KCNH7: variants seen among roughly 807,000 people sequenced by gnomAD.
The protein encoded by KCNH7 is voltage-gated inwardly rectifying potassium channel KCNH7.
KCNH7 carries 49 observed loss-of-function variants against 120.8 expected under a neutral mutation model. The ratio of observed to expected loss-of-function variants is 0.41; its 90% CI spans 0.32 to 0.51. The LOEUF (loss-of-function observed/expected upper bound fraction) is 0.51, where lower values mean the gene tolerates loss of function less well. Among genes scored for constraint, KCNH7 ranks in the 20% least tolerant of loss-of-function variants. The probability of loss-of-function intolerance (pLI) is 0.38; values close to 1 mark genes in which losing one functional copy is unlikely to be tolerated. For missense variants in KCNH7, 1,097 were observed against 1,446.6 expected (o/e 0.76, Z 3.92); for synonymous variants, 547 against 516.1 (o/e 1.06, Z -0.81).
intron 2 of KCNH7, among the ~76,000 whole-genome samples, chr2:162,547,719 T>A (rs958869926): frequency 1.3e-5 from 2 of 152,150 alleles, no homozygotes; most frequent in Non-Finnish European, 2.9e-5. Flanking sequence ...AAGGTCTTTG[T>A]ATAACAGAGG....
chr2:162,396,261 T>C (rs919801479), intron 11 of KCNH7, among the ~76,000 whole-genome samples: 1 of 151,840 alleles, frequency 6.6e-6, no homozygotes, highest in African/African-American at 2.4e-5. Context: ...TTTGTACTTC[T>C]GTGATTTGGA....
At chr2:162,465,534 C>A (rs994726715) in intron 6 of KCNH7, among the ~76,000 whole-genome samples, 4 of 152,098 alleles carry the variant, frequency 2.6e-5, no homozygotes, top group African/African-American at 9.7e-5. Flanking sequence ...AAAATTTCTA[C>A]CTGAGTATCT....
At chr2:162,546,800 T>C (rs1441108092) in intron 2 of KCNH7, among the ~76,000 whole-genome samples, 1 of 151,940 alleles carries the variant, frequency 6.6e-6, no homozygotes, top group African/African-American at 2.4e-5. Flanking sequence ...AAAAGTACTA[T>C]ACCAGAAAAT....
chr2:162,528,887 C>A (rs922838934), intron 3 of KCNH7, among the ~76,000 whole-genome samples: 1 of 151,886 alleles, frequency 6.6e-6, no homozygotes, highest in Admixed American at 6.6e-5. Flanking sequence ...GTTTCATAGA[C>A]TTGGCTAGCC....
Position 162,806,107 on chromosome 2 carries a change from G to A in KCNH7, c.307+30430C>T, listed in dbSNP as rs1389547480. Among the ~76,000 whole-genome samples, 2 of 151,964 alleles carry A rather than the reference G, an allele frequency of 1.3e-5. 1 individual carries two copies. The highest frequency in any genetic ancestry group is 2.9e-5 in the Non-Finnish European group (2 of 67,974). On this transcript the variant is annotated intron_variant, in intron 2 of 15. Coordinates refer to ENST00000332142, the MANE Select transcript of KCNH7 (RefSeq NM_033272.4). ...AGGGGGCACGGTGGGAGGGAGATGT[G>A]GGGTAAAAAACTATATATTGGATAC... is the stretch of plus-strand genomic sequence containing the variant.
chr2:162,371,613 G>A lies in KCNH7; in HGVS notation c.*216C>T, dbSNP rs1379625614. ...AAAAATAAGGTGCCGTGAGATGCTG[G>A]CAGTTTTAACATTTGGAACCAAAAG... is the stretch of plus-strand genomic sequence containing the variant. On this transcript the variant is annotated 3_prime_UTR_variant, in exon 16 of 16. Transcript: ENST00000332142. The A allele has an allele frequency of 1.2e-6, 1 of 812,382 alleles. No homozygotes were observed. Among genetic ancestry groups the A allele is most frequent in the East Asian group, 2.9e-5 (1 of 34,912 alleles). 50.3% of individuals were successfully genotyped at this position (812,382 alleles called of 1,614,324 possible).
At chr2:162,671,919 CT>C (rs1485422776) in intron 2 of KCNH7, among the ~76,000 whole-genome samples, 2 of 151,944 alleles carry the variant, frequency 1.3e-5, no homozygotes, top group Non-Finnish European at 2.9e-5. Flanking sequence ...ATTTAATTCA[CT>C]TTAAACAACT....
At chr2:162,535,751 G>A (rs552045547) in intron 3 of KCNH7, among the ~76,000 whole-genome samples, 11 of 151,446 alleles carry the variant, frequency 7.3e-5, no homozygotes, top group South Asian at 4.2e-4. Context: ...AATTAATATC[G>A]AATAATAAGG....
At chr2:162,741,062 T>A (rs1688109101) in intron 2 of KCNH7, among the ~76,000 whole-genome samples, 1 of 152,148 alleles carries the variant, frequency 6.6e-6, no homozygotes, top group Admixed American at 6.5e-5. Context: ...GACTAACTGT[T>A]ATGCAGATCC....
intron 2 of KCNH7, among the ~76,000 whole-genome samples, chr2:162,816,321 A>G (rs939985460): frequency 1.2e-4 from 18 of 150,424 alleles, no homozygotes; most frequent in African/African-American, 3.7e-4. Flanking sequence ...CATTCCTATC[A>G]TTTCAGTTTC....
chr2:162,715,546 T>G (rs1233788820), intron 2 of KCNH7, among the ~76,000 whole-genome samples: 3 of 152,216 alleles, frequency 2.0e-5, no homozygotes, highest in African/African-American at 7.2e-5. Context: ...ACCAGGACTT[T>G]GTAGCTTCTT....
chr2:162,797,807 G>A (rs953401992), intron 2 of KCNH7: 1 of 152,000 alleles, frequency 6.6e-6, no homozygotes, highest in African/African-American at 2.4e-5. Flanking sequence ...CTTATAACTG[G>A]AGATACAAGC....
intron 6 of KCNH7, among the ~76,000 whole-genome samples, chr2:162,502,564 T>G (rs1037574219): frequency 2.6e-5 from 4 of 152,098 alleles, no homozygotes; most frequent in Non-Finnish European, 1.5e-5. Context: ...CTCTTAAAAT[T>G]TACTGACTAC....
At chr2:162,620,903 G>C (rs1683330475) in intron 2 of KCNH7, among the ~76,000 whole-genome samples, 1 of 152,042 alleles carries the variant, frequency 6.6e-6, no homozygotes, top group Non-Finnish European at 1.5e-5. Context: ...ATCCGAACTG[G>C]GACACATTTG....
chr2:162,495,242 C>A (rs1490834768), intron 6 of KCNH7, among the ~76,000 whole-genome samples: 2 of 152,136 alleles, frequency 1.3e-5, no homozygotes, highest in Non-Finnish European at 2.9e-5. Flanking sequence ...ACCTGCAGAA[C>A]CAATTAAAGC....
In KCNH7 at chr2:162,645,364, T is replaced by C. The variant is rs140538619; in HGVS notation, c.308-108284A>G. 3.8e-3 allele frequency among the ~76,000 whole-genome samples: 571 copies of C among 152,250 alleles called. 1 individual carries two copies. The highest frequency in any genetic ancestry group is 0.013 in the African/African-American group (536 of 41,538). ...AATTTCACTATCTTGGCCAGGATGA[T>C]CTCCATCTTTTGACCTTGTGATCCA... On this transcript the variant is annotated intron_variant, in intron 2 of 15. Transcript: ENST00000332142.
chr2:162,501,016 GC>G (rs1690668906), intron 6 of KCNH7, among the ~76,000 whole-genome samples: 1 of 152,064 alleles, frequency 6.6e-6, no homozygotes, highest in Non-Finnish European at 1.5e-5. Flanking sequence ...GCTTTCAAGT[GC>G]TTAAATAAAA....
chr2:162,536,446 T>C (rs1244566390), intron 3 of KCNH7, among the ~76,000 whole-genome samples: 1 of 151,922 alleles, frequency 6.6e-6, no homozygotes, highest in Non-Finnish European at 1.5e-5. Context: ...TTTGTTGGCA[T>C]AGTTTTGGGG....
chr2:162,655,812 C>T (rs1195232226), intron 2 of KCNH7, among the ~76,000 whole-genome samples: 8 of 151,894 alleles, frequency 5.3e-5, no homozygotes, highest in Non-Finnish European at 1.0e-4. Flanking sequence ...AAACAAAAAA[C>T]GAATTATTGT....
Sources: allele counts gnomAD v4.1 joint callset (sites outside exome capture counted in the v4.1 genomes callset), GRCh38; gene constraint gnomAD v4.1.1; transcripts MANE v1.5; gene names NCBI Gene and HGNC (gene_info 2026-07-23, HGNC 2026-07-21).